The following SERPINA7 variants were observed in gnomAD, a reference collection of about 807,000 sequenced individuals.
SERPINA7 encodes the protein thyroxine-binding globulin.
Under a neutral mutation model 16.0 loss-of-function variants are expected in SERPINA7, and 14 were observed. The observed-to-expected ratio is 0.88, with a 90% CI of 0.58 to 1.37. SERPINA7 has a LOEUF of 1.37. Ranked by LOEUF, SERPINA7 falls within the 40% of genes most tolerant of loss-of-function variation. SERPINA7 has a pLI of 0.00. For missense variants in SERPINA7, 335 were observed against 296.6 expected, an observed-to-expected ratio of 1.13 and a Z score of -0.95; for synonymous variants, 140 against 111.0, an observed-to-expected ratio of 1.26 and a Z score of -1.65.
Position 106,033,536 on chromosome X carries a change from G to C in SERPINA7, c.1212C>G (p.Leu404=). The C allele has an allele frequency of 8.3e-7, 1 of 1,211,386 alleles. No homozygotes were observed. The highest frequency in any genetic ancestry group is 1.1e-6 in the Non-Finnish European group (1 of 895,097). ...TTGGGTTCACAACTTTCCCTAGAAA[G>C]AGAATACTCCTTGTGCTTCTCTCCA... ...LILERSTRSI[L]FLGKVVNPTE... The change falls in exon 5 of 5, where the codon CTC becomes CTG. Residue 404 remains leucine (L), a synonymous_variant. Transcript: ENST00000372563.
chrX:106,035,010 G>C (rs1224047961), intron 3 of SERPINA7, 102 bp downstream of exon 3: 2 of 939,324 alleles, frequency 2.1e-6, no homozygotes, highest in Non-Finnish European at 3.1e-6. Context: ...ATAGCTGTTG[G>C]GTAGTTCAGG....
intron 4 of SERPINA7, among the ~76,000 whole-genome samples, chrX:106,033,963 T>A (rs1009714743): frequency 8.9e-6 from 1 of 112,015 alleles, no homozygotes; most frequent in African/African-American, 3.2e-5. Context: ...TCCTCACACC[T>A]CCTTCAGAAC....
chrX:106,036,627 T>C lies in SERPINA7; in HGVS notation c.432A>G (p.Ala144=). 1 of 1,210,793 alleles carries C rather than the reference T, an allele frequency of 8.3e-7. No individual in the cohort carries two copies. Among genetic ancestry groups the C allele is most frequent in the Non-Finnish European group, 1.1e-6 (1 of 894,932 alleles). ...GGGTCTTGACATCATTCAAGAACTT[T>C]GCCAGTGGTTTCAGATGCTTGCCAA... ...LFIGKHLKPL[A]KFLNDVKTLY... The change falls in exon 2 of 5, where the codon GCA becomes GCG. Residue 144 remains alanine (A), a synonymous_variant. Transcript: ENST00000372563.
Position 106,037,084 on chromosome X carries a change from G to C in SERPINA7, c.-17-9C>G. 8.3e-7 allele frequency: 1 copy of C among 1,198,734 alleles called. No homozygotes were observed. The highest frequency in any genetic ancestry group is 1.8e-5 in the South Asian group (1 of 56,586). On this transcript the variant is annotated splice_polypyrimidine_tract_variant and intron_variant, in intron 1 of 4. Transcript: ENST00000372563. Reference sequence around the variant, plus strand: ...TTTGGAAGGAAGTTAATCTATAAGAGATGAAGTGAGACAACCACTGAGGGA... The same window carrying C: ...TTTGGAAGGAAGTTAATCTATAAGACATGAAGTGAGACAACCACTGAGGGA...
At chrX:106,036,370 A>C (rs996894581) in intron 2 of SERPINA7, 67 bp downstream of exon 2, 2 of 1,121,590 alleles carry the variant, frequency 1.8e-6, no homozygotes, top group Non-Finnish European at 1.2e-6. Context: ...AGAGACCATG[A>C]GCTCCCCTCA....
At position 106,033,515 on chromosome X, in the gene SERPINA7, G is replaced by T; in HGVS notation, c.1233C>A (p.Asn411Lys). The change falls in exon 5 of 5, where the codon AAC (asparagine) becomes AAA (lysine). Residue 411 changes from asparagine (N) to lysine (K), a missense_variant. Coordinates refer to ENST00000372563, the MANE Select transcript of SERPINA7 (RefSeq NM_000354.6). ...RSILFLGKVVNPTEA is the reference protein window; with the variant it reads ...RSILFLGKVVKPTEA ...TTTTTCCCAACTACGCTTCCGTTGG[G>T]TTCACAACTTTCCCTAGAAAGAGAA... 8.3e-7 allele frequency: 1 copy of T among 1,211,279 alleles called. No homozygotes were observed. Among genetic ancestry groups the T allele is most frequent in the Non-Finnish European group, 1.1e-6 (1 of 895,077 alleles).
intron 4 of SERPINA7, 94 bp downstream of exon 4, chrX:106,034,141 A>G: frequency 2.2e-6 from 2 of 909,164 alleles, no homozygotes; most frequent in Non-Finnish European, 3.2e-6. Context: ...TCTAGGCATC[A>G]GATTGCTAAT....
chrX:106,033,817 G>A, intron 4 of SERPINA7, 114 bp from the exon 5 acceptor site: 1 of 1,150,840 alleles, frequency 8.7e-7, no homozygotes, highest in Non-Finnish European at 1.2e-6. Context: ...GCTATACTAT[G>A]TTGATGGTGC....
chrX:106,036,299 C>T (rs2041448432), intron 2 of SERPINA7, 138 bp downstream of exon 2: 1 of 666,148 alleles, frequency 1.5e-6, no homozygotes, highest in Non-Finnish European at 2.4e-6. Context: ...ATACTATTCA[C>T]AGCTATGTCC....
chrX:106,033,842 T>C (rs949936881), intron 4 of SERPINA7, 139 bp from the exon 5 acceptor site: 2 of 1,077,645 alleles, frequency 1.9e-6, no homozygotes, highest in African/African-American at 3.7e-5. Flanking sequence ...ATATGAAGTT[T>C]CCTCTGCTAA....
chrX:106,035,421 A>C (rs1022647043), intron 2 of SERPINA7, 36 bp from the exon 3 acceptor site: 31 of 1,173,437 alleles, frequency 2.6e-5, no homozygotes, highest in Non-Finnish European at 3.6e-5. Flanking sequence ...GTTTATTTTA[A>C]ACCGGTATCA....
intron 3 of SERPINA7, 54 bp downstream of exon 3, chrX:106,035,058 C>T (rs933428651): frequency 8.4e-6 from 10 of 1,191,246 alleles, no homozygotes; most frequent in African/African-American, 1.8e-5. Context: ...TGAACTCTGT[C>T]TCACCTGCAC....
intron 1 of SERPINA7, among the ~76,000 whole-genome samples, chrX:106,038,238 C>T (rs1227028048): frequency 1.8e-5 from 2 of 111,799 alleles, no homozygotes; most frequent in African/African-American, 6.5e-5. Flanking sequence ...CAGTTTATCA[C>T]ATCACTGTCT....
At chrX:106,034,423 T>C in intron 3 of SERPINA7, 41 bp from the exon 4 acceptor site, 1 of 1,121,586 alleles carries the variant, frequency 8.9e-7, no homozygotes, top group Non-Finnish European at 1.2e-6. Flanking sequence ...AATCACCATA[T>C]CAAGCTTATG....
rs1342144215 is a variant in SERPINA7 at position 106,035,216 on chromosome X, A to C, written c.792T>G (p.Asn264Lys). ...TGGGAAGAACAAAGAGTGCCAGAGC[A>C]TTCTTGCTGTAGTCCATTTGCAGAA... ...CTVLQMDYSK[N>K]ALALFVLPKE... Residue 264 changes from asparagine (N) to lysine (K), a missense_variant, in exon 3 of 5, where the codon AAT (asparagine) becomes AAG (lysine). Coordinates refer to ENST00000372563, the MANE Select transcript of SERPINA7 (RefSeq NM_000354.6). The C allele has an allele frequency of 5.0e-6, 6 of 1,209,731 alleles. No individual in the cohort carries two copies. Among genetic ancestry groups the C allele is most frequent in the Non-Finnish European group, 5.6e-6 (5 of 894,954 alleles).
chrX:106,037,252 C>G, intron 1 of SERPINA7, 177 bp from the exon 2 acceptor site: 1 of 440,109 alleles, frequency 2.3e-6, no homozygotes, highest in South Asian at 3.6e-5. Flanking sequence ...GGAGATGCAT[C>G]TAATATGGAC....
intron 3 of SERPINA7, 98 bp downstream of exon 3, chrX:106,035,014 G>C: frequency 9.9e-7 from 1 of 1,013,638 alleles, no homozygotes; most frequent in East Asian, 3.0e-5. Context: ...CTGTTGGGTA[G>C]TTCAGGGTGA....
chrX:106,036,987 T>C lies in SERPINA7; in HGVS notation c.72A>G (p.Glu24=). Residue 24 remains glutamate (E), a synonymous_variant, in exon 2 of 5, where the codon GAA becomes GAG. Transcript: ENST00000372563. ...LHATIHCASP[E]GKVTACHSSQ... ...ATGAATGGCAGGCTGTTACTTTGCC[T>C]TCAGGTGATGCACAGTGGATTGTAG... 1 of 1,209,873 alleles carries C rather than the reference T, an allele frequency of 8.3e-7. No individual in the cohort carries two copies.
rs2041417927 is a variant in SERPINA7 at position 106,032,855 on chromosome X, G to A, written c.*645C>T. On this transcript the variant is annotated 3_prime_UTR_variant, in exon 5 of 5. Coordinates refer to ENST00000372563, the MANE Select transcript of SERPINA7 (RefSeq NM_000354.6). Reference sequence around the variant, plus strand: ...GAATTACTTTCTTTCTCCACTCCCAGCTTATACATTGGCAAGGTGGAAGTA... The same window carrying A: ...GAATTACTTTCTTTCTCCACTCCCAACTTATACATTGGCAAGGTGGAAGTA... The A allele has an allele frequency of 8.8e-6, 1 of 114,237 alleles. No homozygotes were observed. The highest frequency in any genetic ancestry group is 9.0e-5 in the Admixed American group (1 of 11,126). The allele number at this position is 114,237 out of a possible 1,213,427, so 9.4% of individuals were successfully genotyped here.
Sources: gnomAD v4.1 joint callset for allele counts (sites outside exome capture counted in the v4.1 genomes callset) on GRCh38, gnomAD v4.1.1 for gene constraint, MANE v1.5 for transcripts, NCBI Gene and HGNC (gene_info 2026-07-23, HGNC 2026-07-21) for gene names.